ABHD16A: variants seen among roughly 807,000 people sequenced by gnomAD.
ABHD16A encodes the protein abhydrolase domain containing 16A, phospholipase.
Under a neutral mutation model 89.8 loss-of-function variants are expected in ABHD16A, and 47 were observed. The ratio of observed to expected loss-of-function variants is 0.52; its 90% CI spans 0.41 to 0.67. The LOEUF (loss-of-function observed/expected upper bound fraction) is 0.67, where lower values mean the gene tolerates loss of function less well. Among genes scored for constraint, ABHD16A ranks in the 30% least tolerant of loss-of-function variants. The probability of loss-of-function intolerance (pLI) is 0.00; values close to 1 mark genes in which losing one functional copy is unlikely to be tolerated. For missense variants in ABHD16A, 580 were observed against 734.6 expected (o/e 0.79, Z 2.43); for synonymous variants, 251 against 280.4 (o/e 0.90, Z 1.05).
chr6:31,699,222 C>G (rs905295638), intron 4 of ABHD16A, among the ~76,000 whole-genome samples: 1 of 151,730 alleles, frequency 6.6e-6, no homozygotes, highest in African/African-American at 2.4e-5. Flanking sequence ...CTGGCTAACA[C>G]GGTGAAACCC....
At position 31,690,787 on chromosome 6, in the gene ABHD16A, C is replaced by G. The variant is rs868407530; in HGVS notation, c.844-185G>C. Reference sequence around the variant, plus strand: ...CATAAGAGGAGAAGCAAAGGGATTACAAATACTCCTCAGAGGCTGACCTGC... The same window carrying G: ...CATAAGAGGAGAAGCAAAGGGATTAGAAATACTCCTCAGAGGCTGACCTGC... On this transcript the variant is annotated intron_variant, in intron 9 of 19. Coordinates refer to ENST00000395952, the MANE Select transcript of ABHD16A (RefSeq NM_021160.3). This position sits in a 1 kb window ranked among gnomAD's most constrained non-coding sequence, Gnocchi z 4.1. Among the ~76,000 whole-genome samples, 1 of 152,184 alleles carries G rather than the reference C, an allele frequency of 6.6e-6. No individual in the cohort carries two copies. The highest frequency in any genetic ancestry group is 1.5e-5 in the Non-Finnish European group (1 of 68,028).
At position 31,687,844 on chromosome 6, in the gene ABHD16A, G is replaced by A. The variant is rs1190516611; in HGVS notation, c.1427C>T (p.Ala476Val). Residue 476 changes from alanine to valine, a missense_variant, in exon 17 of 20, where the codon GCC becomes GTC. By Grantham distance (64) the Ala-to-Val change is moderately conservative. Coordinates refer to ENST00000395952, the MANE Select transcript of ABHD16A (RefSeq NM_021160.3). The surrounding 1 kb of genome is among the most constrained non-coding windows in gnomAD (Gnocchi z 6.3). The part of the protein sequence containing the change: ...GLRVVRQWLE[A>V]SSQLEEASIY... Reference sequence around the variant, plus strand: ...CTCACCTTCCTCCAGCTGTGAGGAGGCCTCCAACCACTGCCTCACCACTCG... The same window carrying A: ...CTCACCTTCCTCCAGCTGTGAGGAGACCTCCAACCACTGCCTCACCACTCG... The A allele has an allele frequency of 6.2e-7, 1 of 1,612,900 alleles. No homozygotes were observed. The highest frequency in any genetic ancestry group is 8.5e-7 in the Non-Finnish European group (1 of 1,180,004).
intron 1 of ABHD16A, chr6:31,702,538 G>A (rs1046176550): frequency 7.7e-7 from 1 of 1,291,084 alleles, no homozygotes; most frequent in African/African-American, 1.5e-5. Context: ...GTGGGTAGGA[G>A]CGGGCAGTTT....
chr6:31,701,258 T>G lies in ABHD16A; in HGVS notation c.256+16A>C. 1.2e-6 allele frequency: 2 copies of G among 1,609,548 alleles called. No individual in the cohort carries two copies. On this transcript the variant is annotated intron_variant, in intron 3 of 19. Coordinates refer to ENST00000395952, the MANE Select transcript of ABHD16A (RefSeq NM_021160.3). ...CTGCCCATTTGCTACCCCACCACCTTTGAAACCACACTGACCTTTCCTGTA... is the reference window on the plus strand; with the variant it reads ...CTGCCCATTTGCTACCCCACCACCTGTGAAACCACACTGACCTTTCCTGTA...
At chr6:31,697,542 T>C (rs1172115446) in intron 4 of ABHD16A, among the ~76,000 whole-genome samples, 1 of 152,170 alleles carries the variant, frequency 6.6e-6, no homozygotes, top group East Asian at 1.9e-4. Flanking sequence ...TCTATCCTCA[T>C]TCTCTTCAAC....
chr6:31,689,709 A>C lies in ABHD16A; in HGVS notation c.958-5T>G, dbSNP rs575917549. ...ATTCTGCGGGAATGGCACCCCCTGC[A>C]GGAGAAAGGGCAAAGTCAGGAGTGT... On this transcript the variant is annotated splice_region_variant and splice_polypyrimidine_tract_variant and intron_variant, in intron 11 of 19. Coordinates refer to ENST00000395952, the MANE Select transcript of ABHD16A (RefSeq NM_021160.3). 1 of 1,607,938 alleles carries C rather than the reference A, an allele frequency of 6.2e-7. No homozygotes were observed. The highest frequency in any genetic ancestry group is 1.1e-5 in the South Asian group (1 of 90,354).
At position 31,687,346 on chromosome 6, in the gene ABHD16A, C is replaced by A; in HGVS notation, c.1594-51G>T. On this transcript the variant is annotated intron_variant, in intron 19 of 19. Coordinates refer to ENST00000395952, the MANE Select transcript of ABHD16A (RefSeq NM_021160.3). The surrounding 1 kb of genome is among the most constrained non-coding windows in gnomAD (Gnocchi z 6.3). The stretch of plus-strand genomic sequence containing the variant: ...GGGTACAGAGCACTGTTGGGAGGGG[C>A]AGCCACTGGACTCCCTCCCCACCCT... 1 of 1,595,844 alleles carries A rather than the reference C, an allele frequency of 6.3e-7. No individual in the cohort carries two copies. The highest frequency in any genetic ancestry group is 8.6e-7 in the Non-Finnish European group (1 of 1,165,224).
At chr6:31,700,561 T>C (rs1804868932) in intron 4 of ABHD16A, among the ~76,000 whole-genome samples, 1 of 152,222 alleles carries the variant, frequency 6.6e-6, no homozygotes, top group African/African-American at 2.4e-5. Context: ...TTTCCTAGTA[T>C]GTATACATAT....
At chr6:31,691,458 T>C in intron 9 of ABHD16A, 121 bp downstream of exon 9, 1 of 822,508 alleles carries the variant, frequency 1.2e-6, no homozygotes, top group Non-Finnish European at 2.0e-6. Flanking sequence ...AGCGTGGAGC[T>C]AGGACATGAG....
At chr6:31,700,322 T>C (rs1217485786) in intron 4 of ABHD16A, among the ~76,000 whole-genome samples, 4 of 151,922 alleles carry the variant, frequency 2.6e-5, no homozygotes, top group Admixed American at 2.6e-4. Flanking sequence ...GACGGGGTTT[T>C]ACCATGTTGG....
At position 31,690,739 on chromosome 6, in the gene ABHD16A, G is replaced by A. The variant is rs1251811803; in HGVS notation, c.844-137C>T. On this transcript the variant is annotated intron_variant, in intron 9 of 19. Transcript: ENST00000395952. This position sits in a 1 kb window ranked among gnomAD's most constrained non-coding sequence, Gnocchi z 4.1. ...GTTTCTGTTTTCTCCAAGGGGAATG[G>A]AAGCTTCTCATTCCACAGGGTCCAT... 8.1e-6 allele frequency: 6 copies of A among 744,096 alleles called. No homozygotes were observed. In the African/African-American group the frequency reaches 1.0e-4, roughly 13 times the overall value. 46.1% of individuals were successfully genotyped at this position (744,096 alleles called of 1,614,324 possible).
Position 31,689,106 on chromosome 6 carries a change from G to A in ABHD16A, c.1095C>T (p.Ala365=). ...SIGGFTATWA[A]MSYPDVSAMI... is the part of the protein sequence containing the mutation. ...TGGCACTAACATCTGGGTAGGACATGGCTGCCCACGTGGCTGGTACCAGGG... is the reference window on the plus strand; with the variant it reads ...TGGCACTAACATCTGGGTAGGACATAGCTGCCCACGTGGCTGGTACCAGGG... Residue 365 remains alanine (A), a synonymous_variant, in exon 13 of 20, where the codon GCC becomes GCT. Coordinates refer to ENST00000395952, the MANE Select transcript of ABHD16A (RefSeq NM_021160.3). 1 of 1,613,884 alleles carries A rather than the reference G, an allele frequency of 6.2e-7. No homozygotes were observed. Among genetic ancestry groups the A allele is most frequent in the Non-Finnish European group, 8.5e-7 (1 of 1,179,868 alleles).
At position 31,693,403 on chromosome 6, in the gene ABHD16A, G is replaced by A. The variant is rs1320348639; in HGVS notation, c.459C>T (p.Phe153=). Residue 153 remains phenylalanine (F), a synonymous_variant, in exon 6 of 20, where the codon TTC becomes TTT. Coordinates refer to ENST00000395952, the MANE Select transcript of ABHD16A (RefSeq NM_021160.3). The surrounding 1 kb of genome is among the most constrained non-coding windows in gnomAD (Gnocchi z 5.0). ...KRQLANYNFD[F]RSWPVDFHWE... ...AGTGGAAGTCGACTGGCCAGCTCCG[G>A]AAGTCAAAGTTGTAGTTGGCAAGCT... 1.9e-6 allele frequency: 3 copies of A among 1,613,066 alleles called. No homozygotes were observed. Among genetic ancestry groups the A allele is most frequent in the Non-Finnish European group, 2.5e-6 (3 of 1,180,028 alleles).
At position 31,690,360 on chromosome 6, in the gene ABHD16A, C is replaced by T. The variant is rs1360348689; in HGVS notation, c.907+179G>A. 7.0e-6 allele frequency: 5 copies of T among 717,480 alleles called. No individual in the cohort carries two copies. The allele number at this position is 717,480 out of a possible 1,614,324, so 44.4% of individuals were successfully genotyped here. The stretch of plus-strand genomic sequence containing the variant: ...ATGAAAAGCATAATAGCTAGGGACA[C>T]AGGCCAGGGGAGGGATGTAAGGTTA... On this transcript the variant is annotated intron_variant, in intron 10 of 19. Transcript: ENST00000395952. The surrounding 1 kb of genome is among the most constrained non-coding windows in gnomAD (Gnocchi z 4.1).
Position 31,688,993 on chromosome 6 carries a change from C to A in ABHD16A, c.1186+22G>T, listed in dbSNP as rs1208766982. 2 of 1,600,328 alleles carry A rather than the reference C, an allele frequency of 1.2e-6. No homozygotes were observed. Among genetic ancestry groups the A allele is most frequent in the Non-Finnish European group, 1.7e-6 (2 of 1,171,262 alleles). Reference sequence around the variant, plus strand: ...CCAGCCCACCCCTTCCCAGGAAGGGCAGGCCTGGGAGCTGCACTCACTCCA... The same window carrying A: ...CCAGCCCACCCCTTCCCAGGAAGGGAAGGCCTGGGAGCTGCACTCACTCCA... On this transcript the variant is annotated intron_variant, in intron 13 of 19. Coordinates refer to ENST00000395952, the MANE Select transcript of ABHD16A (RefSeq NM_021160.3). The surrounding 1 kb of genome is among the most constrained non-coding windows in gnomAD (Gnocchi z 4.9).
In ABHD16A at chr6:31,690,647, C is replaced by T. The variant is rs989117310; in HGVS notation, c.844-45G>A. 1 of 1,583,230 alleles carries T rather than the reference C, an allele frequency of 6.3e-7. No individual in the cohort carries two copies. The highest frequency in any genetic ancestry group is 1.3e-5 in the African/African-American group (1 of 74,174). On this transcript the variant is annotated intron_variant, in intron 9 of 19. Transcript: ENST00000395952. This position sits in a 1 kb window ranked among gnomAD's most constrained non-coding sequence, Gnocchi z 4.1. ...GAAGGGCTGGGGGGCCAAGTTGGGA[C>T]TGAAAAACTCCCTTTGGGCAGGGAG...
rs369308220 is a variant in ABHD16A at position 31,693,174 on chromosome 6, A to C, written c.504-25T>G. ...CCTGAGGAAGGGAAAGATGCAGGGA[A>C]GGATAGGGTCAGGAGCAGCAAGCTG... On this transcript the variant is annotated intron_variant, in intron 6 of 19. Coordinates refer to ENST00000395952, the MANE Select transcript of ABHD16A (RefSeq NM_021160.3). The surrounding 1 kb of genome is among the most constrained non-coding windows in gnomAD (Gnocchi z 5.0). 27 of 1,608,600 alleles carry C rather than the reference A, an allele frequency of 1.7e-5. No homozygotes were observed. Among genetic ancestry groups the C allele is most frequent in the Non-Finnish European group, 2.3e-5 (27 of 1,177,228 alleles).
At chr6:31,700,129 CT>C (rs550587908) in intron 4 of ABHD16A, among the ~76,000 whole-genome samples, 189 of 139,516 alleles carry the variant, frequency 1.4e-3, no homozygotes, top group Middle Eastern at 4.0e-3. Context: ...TTGCATGGAA[CT>C]TTTTTTTTTT....
At position 31,701,232 on chromosome 6, in the gene ABHD16A, C is replaced by A. The variant is rs768272222; in HGVS notation, c.256+42G>T. ...AGGGAGCTGGCTCATCTGCCAACAACCTGCCCATTTGCTACCCCACCACCT... is the reference window on the plus strand; with the variant it reads ...AGGGAGCTGGCTCATCTGCCAACAAACTGCCCATTTGCTACCCCACCACCT... On this transcript the variant is annotated intron_variant, in intron 3 of 19. Transcript: ENST00000395952. 4.4e-6 allele frequency: 7 copies of A among 1,577,418 alleles called. No homozygotes were observed. In the Admixed American group the frequency reaches 1.2e-4, roughly 26 times the overall value.
Sources: allele counts gnomAD v4.1 joint callset (sites outside exome capture counted in the v4.1 genomes callset), GRCh38; gene constraint gnomAD v4.1.1; non-coding constraint Gnocchi (gnomAD v3.1); transcripts MANE v1.5; gene names NCBI Gene and HGNC (gene_info 2026-07-23, HGNC 2026-07-21).